PPM1F: variants seen among roughly 807,000 people sequenced by gnomAD.
PPM1F encodes protein phosphatase, Mg2+/Mn2+ dependent 1F, also known as protein phosphatase 1F.
Under a neutral mutation model 35.5 loss-of-function variants are expected in PPM1F, and 17 were observed. That is an observed-to-expected ratio of 0.48 (90% CI 0.33 to 0.72). PPM1F has a LOEUF of 0.72. PPM1F is among the 30% of genes least tolerant of loss of function. The pLI is 0.02. For synonymous variants in PPM1F, 241 were observed against 255.5 expected (o/e 0.94, Z 0.54); for missense variants, 521 against 613.0 (o/e 0.85, Z 1.59).
chr22:21,922,939 T>TGCG lies in PPM1F; in HGVS notation c.*150_*152dup. On this transcript the variant is annotated 3_prime_UTR_variant, in exon 8 of 8. Transcript: ENST00000263212. ...CAGTTCCACAGCCACCAGGACGGGCTGCGGGGGGTGTCCCGACTGGCTCTG... is the reference window on the plus strand; with the variant it reads ...CAGTTCCACAGCCACCAGGACGGGCTGCGGCGGGGGGTGTCCCGACTGGCTCTG... 1 of 933,876 alleles carries TGCG rather than the reference T, an allele frequency of 1.1e-6. No individual in the cohort carries two copies. Among genetic ancestry groups the TGCG allele is most frequent in the Non-Finnish European group, 1.6e-6 (1 of 629,340 alleles). 57.8% of individuals were successfully genotyped at this position (933,876 alleles called of 1,614,324 possible). A position where few individuals can be genotyped will look rare whatever the true frequency, so the allele number is the denominator to read the frequency against.
chr22:21,938,546 A>C (rs565119703), intron 3 of PPM1F: 1 of 1,071,388 alleles, frequency 9.3e-7, no homozygotes, highest in Admixed American at 5.0e-5. Flanking sequence ...CCCCGGATGC[A>C]CGCATGCACT....
intron 5 of PPM1F, among the ~76,000 whole-genome samples, chr22:21,931,730 C>G (rs1022450549): frequency 6.6e-6 from 1 of 151,962 alleles, no homozygotes; most frequent in South Asian, 2.1e-4. Context: ...CTTTCCCAGG[C>G]TGGTCTTGAA....
chr22:21,938,101 C>A (rs2145801463), intron 3 of PPM1F: 1 of 1,294,340 alleles, frequency 7.7e-7, no homozygotes, highest in Non-Finnish European at 1.0e-6. Flanking sequence ...GAAGCAAGGG[C>A]AGGCGAGACT....
Position 21,919,929 on chromosome 22 carries a change from C to G in PPM1F, c.*3163G>C, listed in dbSNP as rs989588936. The G allele has an allele frequency of 6.6e-6, 1 of 152,356 alleles. No individual in the cohort carries two copies. Among genetic ancestry groups the G allele is most frequent in the Non-Finnish European group, 1.5e-5 (1 of 68,150 alleles). The allele number at this position is 152,356 out of a possible 1,614,324, so 9.4% of individuals were successfully genotyped here. A position where few individuals can be genotyped will look rare whatever the true frequency, so the allele number is the denominator to read the frequency against. ...CATACTGGCCCTGCCGTCTGCACCCCGTCCCTTTCCCCACTAAACACACCC... is the reference window on the plus strand; with the variant it reads ...CATACTGGCCCTGCCGTCTGCACCCGGTCCCTTTCCCCACTAAACACACCC... On this transcript the variant is annotated 3_prime_UTR_variant, in exon 8 of 8. Coordinates refer to ENST00000263212, the MANE Select transcript of PPM1F (RefSeq NM_014634.4).
rs2070701802 is a variant in PPM1F at position 21,939,571 on chromosome 22, C to T, written c.316G>A (p.Glu106Lys). Residue 106 changes from glutamate to lysine, a missense_variant, in exon 3 of 8, where the codon GAG (glutamate) becomes AAG (lysine). This residue lies in a region of PPM1F where 311 missense variants were observed against 351.5 expected (regional missense o/e 0.88). Coordinates refer to ENST00000263212, the MANE Select transcript of PPM1F (RefSeq NM_014634.4). The surrounding 1 kb of genome is among the most constrained non-coding windows in gnomAD (Gnocchi z 5.1). ...RKLPREEEEE[E>K]EDDDEEEKAP... ...TTTTCCTCCTCGTCATCGTCCTCCT[C>T]CTCTTCTTCTTCCTCCCTGGGCAAC... 1.3e-6 allele frequency: 2 copies of T among 1,578,382 alleles called. No individual in the cohort carries two copies. The highest frequency in any genetic ancestry group is 2.3e-5 in the East Asian group (1 of 43,682).
intron 6 of PPM1F, among the ~76,000 whole-genome samples, chr22:21,930,640 G>A (rs545190896): frequency 3.3e-5 from 5 of 152,112 alleles, no homozygotes; most frequent in Non-Finnish European, 7.3e-5. Context: ...CTGAATGCTC[G>A]CAATCCAACC....
Position 21,925,607 on chromosome 22 carries a change from C to G in PPM1F, c.947G>C (p.Trp316Ser). ...GACGGCCAGGGTCCCGTTGACTCTC[C>G]AGCAGTCCATGTGAGACACAAAGCC... The part of the protein sequence containing the change: ...LGGFVSHMDC[W>S]RVNGTLAVSR... The change falls in exon 7 of 8, where the codon TGG becomes TCG. Residue 316 changes from tryptophan to serine, a missense_variant. Around this residue, in one of 3 missense-constraint regions of PPM1F, gnomAD observed 47 missense variants for 92.0 expected, o/e 0.51. Transcript: ENST00000263212. 2 of 1,612,760 alleles carry G rather than the reference C, an allele frequency of 1.2e-6. No homozygotes were observed. The highest frequency in any genetic ancestry group is 1.7e-6 in the Non-Finnish European group (2 of 1,179,048).
At chr22:21,924,641 G>A (rs1252229670) in intron 7 of PPM1F, among the ~76,000 whole-genome samples, 4 of 148,918 alleles carry the variant, frequency 2.7e-5, no homozygotes, top group Admixed American at 6.8e-5. Context: ...CACGATCTCC[G>A]CTTACTGTAA....
At chr22:21,943,400 C>T (rs889937632) in intron 2 of PPM1F, 10 of 152,194 alleles carry the variant, frequency 6.6e-5, no homozygotes, top group African/African-American at 2.2e-4. Context: ...AAAAATAAAT[C>T]CAATAAGATG....
At chr22:21,925,979 C>CA in intron 6 of PPM1F, 1 of 317,830 alleles carries the variant, frequency 3.1e-6, no homozygotes, top group Non-Finnish European at 5.8e-6. Flanking sequence ...GAGCCCGACA[C>CA]AGACAGCAGA....
chr22:21,938,941 G>C (rs1445642160), intron 3 of PPM1F: 1 of 154,768 alleles, frequency 6.5e-6, no homozygotes, highest in Non-Finnish European at 1.4e-5. Context: ...GCTTATGGCT[G>C]TCCCAGGAGC....
intron 6 of PPM1F, among the ~76,000 whole-genome samples, chr22:21,930,420 T>G (rs1268295297): frequency 6.6e-6 from 1 of 152,170 alleles, no homozygotes; most frequent in African/African-American, 2.4e-5. Context: ...AGATGCATTG[T>G]TTTTAGCACC....
chr22:21,952,251 G>C (rs1177607609), intron 1 of PPM1F: 1 of 152,280 alleles, frequency 6.6e-6, no homozygotes, highest in Admixed American at 6.5e-5. Flanking sequence ...GGCTGAAGCA[G>C]CTGCAGCCCG....
intron 6 of PPM1F, among the ~76,000 whole-genome samples, chr22:21,929,661 G>A (rs2070564600): frequency 6.6e-6 from 1 of 152,206 alleles, no homozygotes; most frequent in Non-Finnish European, 1.5e-5. Context: ...TAGGGAGCAG[G>A]TGCCAAATTC....
intron 4 of PPM1F, among the ~76,000 whole-genome samples, 163 bp downstream of exon 4, chr22:21,933,861 T>C (rs1396719774): frequency 6.6e-6 from 1 of 152,140 alleles, no homozygotes; most frequent in Non-Finnish European, 1.5e-5. Context: ...CATAACAGAC[T>C]CACACTGTTG....
Position 21,923,235 on chromosome 22 carries a change from C to A in PPM1F, c.1222G>T (p.Val408Phe). The change falls in exon 8 of 8, where the codon GTC (valine) becomes TTC (phenylalanine). Residue 408 changes from valine to phenylalanine, a missense_variant. Coordinates refer to ENST00000263212, the MANE Select transcript of PPM1F (RefSeq NM_014634.4). ...RERGSHDNIT[V>F]MVVFLRDPQE... ...GGGTCCCTGAGGAAGACCACCATGA[C>A]CGTGATGTTGTCGTGGGAGCCCCGC... 1.2e-6 allele frequency: 2 copies of A among 1,613,598 alleles called. No individual in the cohort carries two copies. Among genetic ancestry groups the A allele is most frequent in the Non-Finnish European group, 1.7e-6 (2 of 1,179,990 alleles).
intron 2 of PPM1F, 157 bp downstream of exon 2, chr22:21,945,686 A>G (rs1601792481): frequency 1.4e-6 from 1 of 701,070 alleles, no homozygotes; most frequent in Non-Finnish European, 2.3e-6. Context: ...GTGCTTTGCC[A>G]TAGCAGCCAC....
intron 5 of PPM1F, among the ~76,000 whole-genome samples, chr22:21,932,080 A>C (rs986266217): frequency 2.6e-5 from 4 of 151,740 alleles, no homozygotes; most frequent in African/African-American, 9.7e-5. Context: ...AGCCTCCCAA[A>C]GTGCTGGGAT....
intron 7 of PPM1F, 36 bp downstream of exon 7, chr22:21,925,521 GCTTCCGAGAGAC>G (rs746844553): frequency 6.4e-7 from 1 of 1,564,230 alleles, no homozygotes; most frequent in Non-Finnish European, 8.8e-7. Flanking sequence ...CGAGGCCTGG[GCTTCCGAGAGAC>G]CTTCTCCCAC....
Sources: allele counts gnomAD v4.1 joint callset (sites outside exome capture counted in the v4.1 genomes callset), GRCh38; gene constraint gnomAD v4.1.1; regional missense constraint gnomAD v4.1.1; non-coding constraint Gnocchi (gnomAD v3.1); transcripts MANE v1.5; gene names NCBI Gene and HGNC (gene_info 2026-07-23, HGNC 2026-07-21).